NUBPL: variants seen among roughly 807,000 people sequenced by gnomAD.
The protein encoded by NUBPL is iron-sulfur cluster transfer protein NUBPL.
In NUBPL, 31 loss-of-function variants were observed where a neutral mutation model predicts 45.7. The observed-to-expected ratio is 0.68, with a 90% CI of 0.51 to 0.92. The LOEUF (loss-of-function observed/expected upper bound fraction) is 0.92, where lower values mean the gene tolerates loss of function less well. NUBPL is among the 40% of genes least tolerant of loss of function. The pLI is 0.00. For missense variants in NUBPL, 401 were observed against 398.7 expected (o/e 1.01, Z -0.05); for synonymous variants, 144 against 140.9 (o/e 1.02, Z -0.15).
chr14:31,779,575 A>AT (rs1183006833), intron 6 of NUBPL, among the ~76,000 whole-genome samples: 1 of 152,144 alleles, frequency 6.6e-6, no homozygotes, highest in African/African-American at 2.4e-5. Context: ...GTAATATCAG[A>AT]TTTAAAAAGG....
chr14:31,755,151 A>G (rs1367940336), intron 6 of NUBPL, among the ~76,000 whole-genome samples: 2 of 152,044 alleles, frequency 1.3e-5, no homozygotes, highest in East Asian at 1.9e-4. Flanking sequence ...TAGTGCCGCA[A>G]TAAACATACG....
intron 2 of NUBPL, among the ~76,000 whole-genome samples, chr14:31,563,416 GA>G (rs1325969149): frequency 6.6e-6 from 1 of 152,154 alleles, no homozygotes; most frequent in East Asian, 1.9e-4. Flanking sequence ...AAATGTATGA[GA>G]AAGTGTACAA....
At chr14:31,728,963 A>G (rs1380143472) in intron 6 of NUBPL, among the ~76,000 whole-genome samples, 1 of 152,196 alleles carries the variant, frequency 6.6e-6, no homozygotes, top group Non-Finnish European at 1.5e-5. Flanking sequence ...CCTGAAATTG[A>G]AAGAGTTTAC....
At chr14:31,801,693 T>G (rs1418094845) in intron 7 of NUBPL, among the ~76,000 whole-genome samples, 3 of 152,166 alleles carry the variant, frequency 2.0e-5, no homozygotes, top group Non-Finnish European at 4.4e-5. Context: ...TTCACTTTAT[T>G]AAGTAAAGAT....
Position 31,720,624 on chromosome 14 carries a change from C to T in NUBPL, c.513+47050C>T, listed in dbSNP as rs547893055. ...CACCTCATTGGCTTCTTACTTTCTT[C>T]TTCAATGCTTCAGCTCAAATATTAC... On this transcript the variant is annotated intron_variant, in intron 6 of 10. Coordinates refer to ENST00000281081, the MANE Select transcript of NUBPL (RefSeq NM_025152.3). 4.9e-4 allele frequency among the ~76,000 whole-genome samples: 75 copies of T among 152,284 alleles called. 1 individual carries two copies. The highest frequency in any genetic ancestry group is 1.7e-3 in the African/African-American group (70 of 41,556).
chr14:31,635,102 C>T (rs1023438660), intron 4 of NUBPL, among the ~76,000 whole-genome samples: 73 of 147,308 alleles, frequency 5.0e-4, no homozygotes, highest in African/African-American at 1.8e-3. Flanking sequence ...AATTAGATCC[C>T]ATTTGTCAAT....
intron 3 of NUBPL, among the ~76,000 whole-genome samples, chr14:31,569,078 G>C (rs1023897395): frequency 6.6e-6 from 1 of 152,062 alleles, no homozygotes; most frequent in Admixed American, 6.6e-5. Flanking sequence ...AAACTGATTG[G>C]GGTACATGAT....
intron 4 of NUBPL, among the ~76,000 whole-genome samples, chr14:31,660,386 C>G (rs115534015): frequency 6.6e-6 from 1 of 152,090 alleles, no homozygotes; most frequent in Non-Finnish European, 1.5e-5. Flanking sequence ...CCTTTTCTTG[C>G]GTCTGATTTC....
chr14:31,603,720 C>G (rs192054922), intron 4 of NUBPL, among the ~76,000 whole-genome samples: 6 of 152,080 alleles, frequency 3.9e-5, no homozygotes, highest in Admixed American at 3.3e-4. Context: ...TAACATTGAC[C>G]CTAGCAGTAG....
chr14:31,816,446 GTCTA>G (rs59942195), intron 7 of NUBPL, among the ~76,000 whole-genome samples: 53,220 of 151,450 alleles, frequency 0.35, 10,011 homozygotes, highest in South Asian at 0.44. Flanking sequence ...TCTGGTTAGA[GTCTA>G]TCTATTTTGT....
chr14:31,617,399 A>G (rs937468855), intron 4 of NUBPL, among the ~76,000 whole-genome samples: 2 of 152,092 alleles, frequency 1.3e-5, no homozygotes, highest in Non-Finnish European at 2.9e-5. Context: ...TCAGTATGAT[A>G]TTGGCTGTGG....
intron 7 of NUBPL, 29 bp downstream of exon 7, chr14:31,787,902 T>C (rs1384137456): frequency 6.7e-7 from 1 of 1,502,746 alleles, no homozygotes; most frequent in Admixed American, 1.7e-5. Flanking sequence ...AAGTAATTTG[T>C]ACTTTTTTTG....
At chr14:31,661,364 G>A (rs1267040079) in intron 4 of NUBPL, among the ~76,000 whole-genome samples, 1 of 152,190 alleles carries the variant, frequency 6.6e-6, no homozygotes, top group Admixed American at 6.5e-5. Context: ...TCACTTGTTA[G>A]TACGTTGTAA....
At chr14:31,642,776 C>T (rs1040821824) in intron 4 of NUBPL, among the ~76,000 whole-genome samples, 1 of 151,784 alleles carries the variant, frequency 6.6e-6, no homozygotes, top group Non-Finnish European at 1.5e-5. Flanking sequence ...TTAATTCTTC[C>T]AATTCATGAG....
chr14:31,611,845 G>A (rs1176407294), intron 4 of NUBPL, among the ~76,000 whole-genome samples: 1 of 152,184 alleles, frequency 6.6e-6, no homozygotes, highest in African/African-American at 2.4e-5. Flanking sequence ...TTAATAAATT[G>A]TTTTGGGAAA....
At chr14:31,599,764 TA>T (rs2034377976) in intron 4 of NUBPL, among the ~76,000 whole-genome samples, 1 of 152,158 alleles carries the variant, frequency 6.6e-6, no homozygotes, top group Non-Finnish European at 1.5e-5. Context: ...GGTGGTGGGT[TA>T]AATCAAGGAA....
intron 6 of NUBPL, among the ~76,000 whole-genome samples, chr14:31,735,562 C>G (rs2038146423): frequency 6.6e-6 from 1 of 152,090 alleles, no homozygotes; most frequent in Admixed American, 6.5e-5. Flanking sequence ...TTTTAAACAT[C>G]AGAGTGAATG....
At position 31,846,417 on chromosome 14, in the gene NUBPL, A is replaced by T. The variant is rs183597031; in HGVS notation, c.694-54A>T. ...CACTCTGTAAAAATTTGTTGAAGTA[A>T]TGTATTAATATTTGGTTTAATTTTA... On this transcript the variant is annotated intron_variant, in intron 8 of 10. Transcript: ENST00000281081. 4,135 of 1,458,008 alleles carry T rather than the reference A, an allele frequency of 2.8e-3. 8 individuals are homozygous for T. Among genetic ancestry groups the T allele is most frequent in the Non-Finnish European group, 3.6e-3 (3,832 of 1,057,032 alleles). The allele number at this position is 1,458,008 out of a possible 1,614,324, so 90.3% of individuals were successfully genotyped here. A position where few individuals can be genotyped will look rare whatever the true frequency, so the allele number is the denominator to read the frequency against.
chr14:31,827,839 T>A (rs1418675108), intron 8 of NUBPL, among the ~76,000 whole-genome samples: 4 of 152,228 alleles, frequency 2.6e-5, no homozygotes, highest in African/African-American at 9.6e-5. Context: ...TGAATGGACT[T>A]GAAGGGAAGC....
Sources: gnomAD v4.1 joint callset for allele counts (sites outside exome capture counted in the v4.1 genomes callset) on GRCh38, gnomAD v4.1.1 for gene constraint, MANE v1.5 for transcripts, NCBI Gene and HGNC (gene_info 2026-07-23, HGNC 2026-07-21) for gene names.